RXRA: variants seen among roughly 807,000 people sequenced by gnomAD.
RXRA encodes retinoid X receptor alpha.
A neutral mutation model predicts 44.5 loss-of-function variants in RXRA; 5 were observed. The ratio of observed to expected loss-of-function variants is 0.11; its 90% CI spans 0.06 to 0.24. RXRA has a LOEUF of 0.24. Ranked by LOEUF, RXRA falls within the 10% of genes least tolerant of loss-of-function variation. RXRA has a pLI of 1.00. For synonymous variants in RXRA, 291 were observed against 271.4 expected (o/e 1.07, Z -0.71); for missense variants, 412 against 646.5 (o/e 0.64, Z 3.93).
rs748047083 is a variant in RXRA, at chr9:134,407,878, G to T, written c.280-271G>T. On this transcript the variant is annotated intron_variant, in intron 2 of 9. Transcript: ENST00000481739. The surrounding 1 kb of genome is among the most constrained non-coding windows in gnomAD (Gnocchi z 4.8). ...CAAGCAGGGACCGCCCATGTGTTGG[G>T]GGGGGTGTTGAAGGTCCTTTTCCAC... Among the ~76,000 whole-genome samples the T allele has an allele frequency of 1.3e-5, 2 of 152,046 alleles. No individual in the cohort carries two copies. Among genetic ancestry groups the T allele is most frequent in the African/African-American group, 2.4e-5 (1 of 41,404 alleles).
chr9:134,339,377 C>T (rs1270198548), intron 1 of RXRA, among the ~76,000 whole-genome samples: 4 of 150,800 alleles, frequency 2.7e-5, no homozygotes, highest in African/African-American at 7.3e-5. Context: ...GGTTTGTGCG[C>T]GTGAGCCTCT....
intron 1 of RXRA, among the ~76,000 whole-genome samples, chr9:134,340,935 G>C (rs1554748042): frequency 6.6e-6 from 1 of 152,244 alleles, no homozygotes; most frequent in African/African-American, 2.4e-5. Context: ...AGGAAGGAAG[G>C]CTTCCTCTAA....
chr9:134,425,062 T>G, intron 6 of RXRA: 1 of 985,414 alleles, frequency 1.0e-6, no homozygotes, highest in Non-Finnish European at 1.2e-6. Flanking sequence ...GTGAGAGCCA[T>G]TGGCCATGCA....
At position 134,424,194 on chromosome 9, in the gene RXRA, G is replaced by T. The variant is rs994120978; in HGVS notation, c.910+2389G>T. On this transcript the variant is annotated intron_variant, in intron 6 of 9. Transcript: ENST00000481739. ...CCCTCTTAGGTGGGCACCTGCCTGT[G>T]GTCTCCCTGCAGCTGTCAGGTGGGG... 4.2e-5 allele frequency: 41 copies of T among 985,300 alleles called. No homozygotes were observed. The South Asian group carries it at 1.7e-3, about 42-fold the overall frequency. 61.0% of individuals were successfully genotyped at this position (985,300 alleles called of 1,614,324 possible).
intron 1 of RXRA, among the ~76,000 whole-genome samples, chr9:134,328,728 C>T (rs1188732507): frequency 6.6e-6 from 1 of 152,218 alleles, no homozygotes; most frequent in African/African-American, 2.4e-5. Context: ...CCTGGCTTGT[C>T]TTGGCCCGGC....
Position 134,433,849 on chromosome 9 carries a change from G to T in RXRA, c.1136-253G>T, listed in dbSNP as rs151126282. On this transcript the variant is annotated intron_variant, in intron 8 of 9. Coordinates refer to ENST00000481739, the MANE Select transcript of RXRA (RefSeq NM_002957.6). This position sits in a 1 kb window ranked among gnomAD's most constrained non-coding sequence, Gnocchi z 4.2. ...TCTGGAGGTCAAATAGTTGACCCAA[G>T]GTCACGTGGCTGGCAAGTGGCAGAG... Among the ~76,000 whole-genome samples, 16 of 152,220 alleles carry T rather than the reference G, an allele frequency of 1.1e-4. No homozygotes were observed. The highest frequency in any genetic ancestry group is 3.4e-4 in the African/African-American group (14 of 41,462).
chr9:134,408,238 C>T lies in RXRA; in HGVS notation c.369C>T (p.Pro123=), dbSNP rs1329733740. ...LNGVLKVPAH[P]SGNMASFTKH... Reference sequence around the variant, plus strand: ...GCGTCCTCAAGGTCCCCGCCCACCCCTCAGGAAACATGGCTTCCTTCACCA... The same window carrying T: ...GCGTCCTCAAGGTCCCCGCCCACCCTTCAGGAAACATGGCTTCCTTCACCA... Residue 123 remains proline, a synonymous_variant, in exon 3 of 10, where the codon CCC becomes CCT. Transcript: ENST00000481739. 1 of 1,612,304 alleles carries T rather than the reference C, an allele frequency of 6.2e-7. No individual in the cohort carries two copies. Among genetic ancestry groups the T allele is most frequent in the Non-Finnish European group, 8.5e-7 (1 of 1,179,564 alleles).
intron 6 of RXRA, chr9:134,422,214 C>T (rs1588303436): frequency 7.8e-7 from 1 of 1,285,390 alleles, no homozygotes; most frequent in Admixed American, 2.3e-5. Context: ...ACACTTCCCC[C>T]TCCTGGGACA....
intron 1 of RXRA, among the ~76,000 whole-genome samples, chr9:134,345,748 G>T (rs1303525867): frequency 6.6e-6 from 1 of 152,200 alleles, no homozygotes; most frequent in Admixed American, 6.5e-5. Flanking sequence ...AGCCCCAGCC[G>T]TGCCATTGTC....
chr9:134,396,102 A>G (rs1830874609), intron 1 of RXRA, among the ~76,000 whole-genome samples: 2 of 152,170 alleles, frequency 1.3e-5, no homozygotes, highest in Admixed American at 6.5e-5. Context: ...CATTTTACAG[A>G]AGGGGAGACT....
intron 4 of RXRA, among the ~76,000 whole-genome samples, chr9:134,413,009 A>C (rs1028339676): frequency 1.3e-5 from 2 of 149,846 alleles, no homozygotes; most frequent in Admixed American, 1.3e-4. Flanking sequence ...ACGTGTGTGC[A>C]TGTGCGTGCA....
intron 4 of RXRA, among the ~76,000 whole-genome samples, chr9:134,416,513 C>T (rs1016223893): frequency 4.6e-5 from 7 of 152,082 alleles, no homozygotes; most frequent in Admixed American, 1.3e-4. Flanking sequence ...CTGGGTGGGC[C>T]GTCTCTGTGT....
chr9:134,331,824 G>C (rs1464896701), intron 1 of RXRA, among the ~76,000 whole-genome samples: 1 of 152,224 alleles, frequency 6.6e-6, no homozygotes, highest in Non-Finnish European at 1.5e-5. Flanking sequence ...AGCTCCAGCT[G>C]GGAGGACCTG....
At chr9:134,410,366 G>T (rs36109493) in intron 4 of RXRA, among the ~76,000 whole-genome samples, 9,522 of 152,316 alleles carry the variant, frequency 0.063, 390 homozygotes, top group African/African-American at 0.12. Flanking sequence ...GAAACCGAGG[G>T]CAGACGGTTC....
At chr9:134,346,055 G>A (rs539352349) in intron 1 of RXRA, among the ~76,000 whole-genome samples, 4 of 152,312 alleles carry the variant, frequency 2.6e-5, no homozygotes, top group African/African-American at 9.6e-5. Context: ...TTTCTGGGGG[G>A]TGGGGTCCAG....
At chr9:134,346,190 C>T (rs1346502163) in intron 1 of RXRA, among the ~76,000 whole-genome samples, 1 of 152,188 alleles carries the variant, frequency 6.6e-6, no homozygotes, top group East Asian at 1.9e-4. Flanking sequence ...TCTTTAGTTC[C>T]TCCTGTTCCG....
intron 2 of RXRA, chr9:134,403,378 G>T (rs1012571423): frequency 1.1e-4 from 17 of 152,286 alleles, no homozygotes; most frequent in African/African-American, 4.1e-4. Flanking sequence ...TGGCACGAGG[G>T]AGGCCTGGTC....
intron 6 of RXRA, chr9:134,423,004 G>C: frequency 1.0e-6 from 1 of 985,488 alleles, no homozygotes; most frequent in South Asian, 4.7e-5. Context: ...CACTCCCCGT[G>C]ATGCCATGCG....
intron 1 of RXRA, among the ~76,000 whole-genome samples, chr9:134,345,918 C>A (rs1239765775): frequency 2.6e-5 from 4 of 152,196 alleles, no homozygotes; most frequent in Non-Finnish European, 5.9e-5. Flanking sequence ...GATGTCCCCT[C>A]CTCCAGGAAG....
Sources: allele counts gnomAD v4.1 joint callset (sites outside exome capture counted in the v4.1 genomes callset), GRCh38; gene constraint gnomAD v4.1.1; non-coding constraint Gnocchi (gnomAD v3.1); transcripts MANE v1.5; gene names NCBI Gene and HGNC (gene_info 2026-07-23, HGNC 2026-07-21).